Variants in RUNDC1 observed in about 807,000 individuals in gnomAD.
The protein encoded by RUNDC1 is RUN domain containing 1, also known as RUN domain-containing protein 1.
A neutral mutation model predicts 49.3 loss-of-function variants in RUNDC1; 31 were observed. The ratio of observed to expected loss-of-function variants is 0.63; its 90% CI spans 0.47 to 0.85. RUNDC1 has a LOEUF of 0.85. RUNDC1 is among the 40% of genes least tolerant of loss of function. The pLI is 0.00. For missense variants in RUNDC1, 715 were observed against 806.7 expected (o/e 0.89, Z 1.38); for synonymous variants, 347 against 348.6 (o/e 1.00, Z 0.05).
chr17:42,987,449 C>T (rs996337867), intron 2 of RUNDC1, 35 bp downstream of exon 2: 6 of 1,605,944 alleles, frequency 3.7e-6, no homozygotes, highest in East Asian at 2.2e-5. Flanking sequence ...CACCACTGCC[C>T]GAGGTTAACT....
At chr17:42,987,570 A>G (rs553301246) in intron 2 of RUNDC1, among the ~76,000 whole-genome samples, 156 bp downstream of exon 2, 1 of 152,304 alleles carries the variant, frequency 6.6e-6, no homozygotes, top group South Asian at 2.1e-4. Flanking sequence ...GCTATGAGGA[A>G]CCTTTCTTTG....
chr17:42,985,991 C>T (rs1473311530), intron 1 of RUNDC1, among the ~76,000 whole-genome samples: 2 of 151,894 alleles, frequency 1.3e-5, no homozygotes, highest in Non-Finnish European at 2.9e-5. Flanking sequence ...TTGCCTTTTA[C>T]TCTTTTGTTT....
At chr17:42,988,379 A>G (rs1478112468) in intron 2 of RUNDC1, among the ~76,000 whole-genome samples, 1 of 151,406 alleles carries the variant, frequency 6.6e-6, no homozygotes, top group Non-Finnish European at 1.5e-5. Flanking sequence ...CAGCCTCCCG[A>G]GTAGTTGAGA....
At chr17:42,983,216 T>TA (rs60468535) in intron 1 of RUNDC1, among the ~76,000 whole-genome samples, 120,226 of 130,556 alleles carry the variant, frequency 0.92, 55,579 homozygotes, top group South Asian at 0.97. Flanking sequence ...TGTACCACCT[T>TA]AAAAAAAAAA....
intron 1 of RUNDC1, 36 bp from the exon 2 acceptor site, chr17:42,987,220 G>T (rs1567730932): frequency 1.9e-6 from 3 of 1,593,978 alleles, no homozygotes; most frequent in South Asian, 1.1e-5. Flanking sequence ...GTTTCCCTTT[G>T]CCTGCATAAT....
intron 1 of RUNDC1, among the ~76,000 whole-genome samples, chr17:42,984,894 T>C (rs1167375265): frequency 2.5e-3 from 349 of 138,210 alleles, no homozygotes; most frequent in African/African-American, 6.3e-3. Context: ...TCTTTCTTTT[T>C]TTTTTTTTTT....
chr17:42,994,963 AG>A lies in RUNDC1; in HGVS notation c.*3249del, dbSNP rs35349841. 0.59 allele frequency among the ~76,000 whole-genome samples: 90,160 copies of A among 152,014 alleles called. 29,271 individuals carry two copies. Among genetic ancestry groups the A allele is most frequent in the East Asian group, 0.84 (4,342 of 5,170 alleles). ...TGCAAAGTATTGTTAAAGCCGTCTA[AG>A]GTGCTCTCCAATCATTCATTCACTA... is the stretch of plus-strand genomic sequence containing the variant. On this transcript the variant is annotated 3_prime_UTR_variant, in exon 5 of 5. Transcript: ENST00000361677.
chr17:42,980,876 C>G lies in RUNDC1; in HGVS notation c.300C>G (p.His100Gln). 1 of 1,495,288 alleles carries G rather than the reference C, an allele frequency of 6.7e-7. No homozygotes were observed. The highest frequency in any genetic ancestry group is 8.9e-7 in the Non-Finnish European group (1 of 1,129,026). The allele number at this position is 1,495,288 out of a possible 1,614,324, so 92.6% of individuals were successfully genotyped here. A position where few individuals can be genotyped will look rare whatever the true frequency, so the allele number is the denominator to read the frequency against. The change falls in exon 1 of 5, where the codon CAC (histidine) becomes CAG (glutamine). Residue 100 changes from histidine to glutamine, a missense_variant. Coordinates refer to ENST00000361677, the MANE Select transcript of RUNDC1 (RefSeq NM_173079.5). ...CGGCGCTGCTGGCGCTGTCCTCGCA[C>G]TTCGCGCAGGTGCAGTTCCGCCTGC... The part of the protein sequence containing the change: ...LDSALLALSS[H>Q]FAQVQFRLRQ...
Position 42,994,089 on chromosome 17 carries a change from C to T in RUNDC1, c.*2373C>T, listed in dbSNP as rs2050279147. Among the ~76,000 whole-genome samples, 1 of 152,186 alleles carries T rather than the reference C, an allele frequency of 6.6e-6. No homozygotes were observed. The highest frequency in any genetic ancestry group is 2.1e-4 in the South Asian group (1 of 4,836). The stretch of plus-strand genomic sequence containing the variant: ...GTCAGGCTAGTCTCGAACTCCTGAC[C>T]TCAGGTGATCCACCCACTTCAGCCT... On this transcript the variant is annotated 3_prime_UTR_variant, in exon 5 of 5. Coordinates refer to ENST00000361677, the MANE Select transcript of RUNDC1 (RefSeq NM_173079.5).
intron 1 of RUNDC1, among the ~76,000 whole-genome samples, chr17:42,982,616 A>G (rs1353594307): frequency 6.6e-6 from 1 of 152,156 alleles, no homozygotes; most frequent in Non-Finnish European, 1.5e-5. Context: ...ATTATGACAC[A>G]TTGCATGCCT....
At chr17:42,981,338 G>A (rs1022428043) in intron 1 of RUNDC1, 1 of 496,320 alleles carries the variant, frequency 2.0e-6, no homozygotes, top group African/African-American at 2.0e-5. Flanking sequence ...GGAGCGGTGA[G>A]CGAAGTGAGT....
Position 42,980,717 on chromosome 17 carries a change from G to T in RUNDC1, c.141G>T (p.Ala47=). ...GCTGGGCCCCAGTGGGGGCGGTGGC[G>T]GAGGCCCGGCCTGGGGCAACCGCGT... is the stretch of plus-strand genomic sequence containing the variant. ...AVRWAPVGAV[A]EARPGATAFL... The change falls in exon 1 of 5, where the codon GCG becomes GCT. Residue 47 remains alanine (A), a synonymous_variant. Transcript: ENST00000361677. 6.5e-7 allele frequency: 1 copy of T among 1,548,940 alleles called. No individual in the cohort carries two copies. Among genetic ancestry groups the T allele is most frequent in the South Asian group, 1.2e-5 (1 of 84,828 alleles).
Position 42,990,372 on chromosome 17 carries a change from T to G in RUNDC1, c.912T>G (p.Gly304=), listed in dbSNP as rs2050222445. Residue 304 remains glycine, a synonymous_variant, in exon 4 of 5, where the codon GGT becomes GGG. Transcript: ENST00000361677. ...TGGGHCECKA[G]GKTGNGCSRT... The stretch of plus-strand genomic sequence containing the variant: ...GTGGACACTGTGAGTGCAAGGCCGG[T>G]GGGAAGACAGGAAATGGCTGCAGCA... 1.2e-6 allele frequency: 2 copies of G among 1,614,046 alleles called. No homozygotes were observed. Among genetic ancestry groups the G allele is most frequent in the Non-Finnish European group, 1.7e-6 (2 of 1,180,016 alleles).
At chr17:42,984,501 G>A (rs980306500) in intron 1 of RUNDC1, among the ~76,000 whole-genome samples, 2 of 152,022 alleles carry the variant, frequency 1.3e-5, no homozygotes, top group African/African-American at 2.4e-5. Flanking sequence ...GGCTGGTCTC[G>A]AACTCCTGAC....
rs56228523 is a variant in RUNDC1 at position 42,984,889 on chromosome 17, CTTTTTTTT to C, written c.499-2351_499-2344del. ...CTTTTCTTTTTCTTTTTCTTTCTTT[CTTTTTTTT>C]TTTTTTTTTTTTTTTGGACACAGAG... On this transcript the variant is annotated intron_variant, in intron 1 of 4. Transcript: ENST00000361677. Among the ~76,000 whole-genome samples the C allele has an allele frequency of 2.5e-3, 162 of 65,352 alleles. 2 individuals are homozygous for C. The highest frequency in any genetic ancestry group is 7.7e-3 in the African/African-American group (130 of 16,832). The allele number at this position is 65,352 out of a possible 152,430, so 42.9% of individuals were successfully genotyped here.
rs2050263642 is a variant in RUNDC1, at chr17:42,992,917, G to A, written c.*1201G>A. 6.6e-6 allele frequency: 1 copy of A among 152,206 alleles called. No homozygotes were observed. The allele number at this position is 152,206 out of a possible 1,614,324, so 9.4% of individuals were successfully genotyped here. On this transcript the variant is annotated 3_prime_UTR_variant, in exon 5 of 5. Transcript: ENST00000361677. ...TTTCTGTTTATGAGGGGTGAGAAGT[G>A]ATGTTTGTTACTATGTTCTCCAGCA... is the stretch of plus-strand genomic sequence containing the variant.
At chr17:42,981,385 G>A (rs1434439700) in intron 1 of RUNDC1, 3 of 358,848 alleles carry the variant, frequency 8.4e-6, no homozygotes, top group African/African-American at 4.2e-5. Flanking sequence ...GAGCAGTGCT[G>A]CGCCCACTCA....
chr17:42,982,731 T>G (rs2050117490), intron 1 of RUNDC1, among the ~76,000 whole-genome samples: 2 of 150,234 alleles, frequency 1.3e-5, no homozygotes, highest in Admixed American at 1.3e-4. Flanking sequence ...CCTAGCACTT[T>G]GGGAGGCCAA....
Position 42,990,936 on chromosome 17 carries a change from T to G in RUNDC1, c.1062T>G (p.Val354=), listed in dbSNP as rs773128555. The G allele has an allele frequency of 1.2e-6, 2 of 1,613,640 alleles. No individual in the cohort carries two copies. The highest frequency in any genetic ancestry group is 2.2e-5 in the South Asian group (2 of 91,086). ...RALAVLQIFA[V]SQFGCATGQI... ...TGGCCGTGCTCCAGATCTTTGCTGT[T>G]AGCCAGTTTGGTTGTGCCACAGGCC... The change falls in exon 5 of 5, where the codon GTT becomes GTG. Residue 354 remains valine (V), a synonymous_variant. Coordinates refer to ENST00000361677, the MANE Select transcript of RUNDC1 (RefSeq NM_173079.5).
Sources: allele counts gnomAD v4.1 joint callset (sites outside exome capture counted in the v4.1 genomes callset), GRCh38; gene constraint gnomAD v4.1.1; transcripts MANE v1.5; gene names NCBI Gene and HGNC (gene_info 2026-07-23, HGNC 2026-07-21).